KANTR: variants seen among roughly 807,000 people sequenced by gnomAD.
The protein encoded by KANTR is KANTR integral membrane protein.
intron 2 of KANTR, among the ~76,000 whole-genome samples, chrX:53,136,731 TTTTG>T (rs1179907497): frequency 1.1e-3 from 53 of 50,036 alleles, no homozygotes; most frequent in Non-Finnish European, 1.4e-3. Context: ...TATATATATA[TTTTG>T]TTTGTTTGTT....
At chrX:53,109,144 TC>T (rs1161736769) in intron 2 of KANTR, among the ~76,000 whole-genome samples, 2 of 112,610 alleles carry the variant, frequency 1.8e-5, no homozygotes, top group Non-Finnish European at 3.7e-5. Flanking sequence ...TACTAATTTT[TC>T]CAATTCATGA....
chrX:53,138,520 G>A (rs2146756686), intron 2 of KANTR, among the ~76,000 whole-genome samples: 1 of 107,868 alleles, frequency 9.3e-6, no homozygotes, highest in African/African-American at 3.3e-5. Context: ...GAATTAGCTG[G>A]GCGTGGTGGC....
chrX:53,098,163 C>G (rs1472858572), intron 1 of KANTR, among the ~76,000 whole-genome samples: 2 of 110,229 alleles, frequency 1.8e-5, no homozygotes, highest in African/African-American at 6.6e-5. Flanking sequence ...AGTTCCAGAC[C>G]AACACAATAA....
At chrX:53,108,088 A>G (rs781823128) in intron 2 of KANTR, among the ~76,000 whole-genome samples, 8 of 109,879 alleles carry the variant, frequency 7.3e-5, no homozygotes, top group African/African-American at 2.3e-4. Context: ...ACGGGGTTGC[A>G]CCATGTTGGC....
chrX:53,138,315 G>T (rs1479325281), intron 2 of KANTR, among the ~76,000 whole-genome samples: 2 of 106,801 alleles, frequency 1.9e-5, no homozygotes, highest in East Asian at 6.3e-4. Context: ...TGATCCGCCC[G>T]CCTCAGCCTC....
At chrX:53,129,682 A>G (rs980906480), downstream of KANTR, among the ~76,000 whole-genome samples, 3 of 109,819 alleles carry the variant, frequency 2.7e-5, no homozygotes, top group Non-Finnish European at 3.8e-5. Context: ...GCTGCTTTGA[A>G]GGTCCTTTAA....
chrX:53,134,033 C>A (rs1215947762), intron 2 of KANTR, among the ~76,000 whole-genome samples: 4 of 111,413 alleles, frequency 3.6e-5, no homozygotes, highest in Non-Finnish European at 5.6e-5. Context: ...CAAAACAATA[C>A]CTTGTTCAGT....
At chrX:53,123,751 A>G (rs1241732892) in exon 3 of KANTR, 5 of 111,950 alleles carry the variant, frequency 4.5e-5, no homozygotes, top group African/African-American at 1.3e-4. Flanking sequence ...AGAAGACTAC[A>G]GGAGCTGGCT....
At chrX:53,146,337 C>G (rs1442675668), downstream of KANTR, among the ~76,000 whole-genome samples, 2 of 111,782 alleles carry the variant, frequency 1.8e-5, no homozygotes, top group Non-Finnish European at 3.8e-5. Context: ...CAAGAACTAT[C>G]TGATGAATGC....
chrX:53,143,179 A>C, downstream of KANTR: 1 of 834,492 alleles, frequency 1.2e-6, no homozygotes, highest in Non-Finnish European at 1.8e-6. Context: ...GATGGTGATG[A>C]CCTGACCTGG....
intron 2 of KANTR, among the ~76,000 whole-genome samples, chrX:53,140,537 G>A (rs1933488676): frequency 9.4e-6 from 1 of 105,952 alleles, no homozygotes; most frequent in Admixed American, 1.0e-4. Flanking sequence ...TGCATTTACT[G>A]TATGACCCAA....
At chrX:53,135,454 G>A (rs192395700) in intron 2 of KANTR, among the ~76,000 whole-genome samples, 1 of 111,849 alleles carries the variant, frequency 8.9e-6, no homozygotes, top group African/African-American at 3.2e-5. Flanking sequence ...CTGAGGTCAC[G>A]AATTCTGCCT....
chrX:53,146,342 G>A (rs1179016712), downstream of KANTR, among the ~76,000 whole-genome samples: 2 of 112,132 alleles, frequency 1.8e-5, no homozygotes, highest in Non-Finnish European at 3.8e-5. Flanking sequence ...ACTATCTGAT[G>A]AATGCACAAG....
chrX:53,137,106 T>G (rs1933436540), intron 2 of KANTR, among the ~76,000 whole-genome samples: 1 of 110,211 alleles, frequency 9.1e-6, no homozygotes, highest in African/African-American at 3.3e-5. Flanking sequence ...TTTTCTTGGG[T>G]TCTCCCATCC....
At chrX:53,133,919 A>G (rs1454889375) in intron 2 of KANTR, among the ~76,000 whole-genome samples, 3 of 111,669 alleles carry the variant, frequency 2.7e-5, no homozygotes, top group Non-Finnish European at 5.6e-5. Context: ...CAGACTCACT[A>G]TGACTGAGAG....
At chrX:53,098,065 A>AG (rs1391112834) in intron 1 of KANTR, among the ~76,000 whole-genome samples, 1 of 107,708 alleles carries the variant, frequency 9.3e-6, no homozygotes, top group African/African-American at 3.4e-5. Flanking sequence ...AAAAAAAAAA[A>AG]AAAAAGAAAG....
chrX:53,123,926 G>A, exon 3 of KANTR: 1 of 129,371 alleles, frequency 7.7e-6, no homozygotes, highest in Non-Finnish European at 1.6e-5. Flanking sequence ...TCCAGAAGAG[G>A]CTGCCCATAG....
intron 3 of KANTR, among the ~76,000 whole-genome samples, chrX:53,147,740 A>G (rs782496801): frequency 1.8e-5 from 2 of 111,341 alleles, no homozygotes; most frequent in South Asian, 7.6e-4. Flanking sequence ...CAGCAAATGT[A>G]AAAGAACAGA....
chrX:53,125,452 AC>A (rs1933282157), exon 3 of KANTR: 1 of 110,576 alleles, frequency 9.0e-6, no homozygotes, highest in Admixed American at 9.6e-5. Flanking sequence ...TACCATCACT[AC>A]CTTTTCTGTG....
Sources: gnomAD v4.1 joint callset for allele counts (sites outside exome capture counted in the v4.1 genomes callset) on GRCh38, gnomAD v4.1.1 for gene constraint, MANE v1.5 for transcripts, NCBI Gene and HGNC (gene_info 2026-07-23, HGNC 2026-07-21) for gene names.